CTNNA3: variants seen among roughly 807,000 people sequenced by gnomAD.
CTNNA3 encodes catenin alpha 3, also known as catenin alpha-3.
Under a neutral mutation model 95.7 loss-of-function variants are expected in CTNNA3, and 76 were observed. That is an observed-to-expected ratio of 0.79 (90% CI 0.66 to 0.96). The LOEUF (loss-of-function observed/expected upper bound fraction) is 0.96. CTNNA3 is among the 40% of genes least tolerant of loss of function. The pLI, the probability that CTNNA3 is intolerant of heterozygous loss-of-function variation, is 0.00. For synonymous variants in CTNNA3, 431 were observed against 374.4 expected (o/e 1.15, Z -1.74); for missense variants, 1,191 against 1,089.8 (o/e 1.09, Z -1.31).
At chr10:66,404,834 C>T (rs2093045255) in intron 11 of CTNNA3, among the ~76,000 whole-genome samples, 1 of 151,472 alleles carries the variant, frequency 6.6e-6, no homozygotes, top group African/African-American at 2.4e-5. Context: ...TATGTGTGGC[C>T]CAACACTTCT....
intron 3 of CTNNA3, among the ~76,000 whole-genome samples, chr10:67,551,275 G>C (rs923969175): frequency 6.6e-6 from 1 of 152,140 alleles, no homozygotes; most frequent in South Asian, 2.1e-4. Context: ...GTGGCTGGAC[G>C]TGAAGAGGAC....
At chr10:66,923,980 C>T (rs190567382) in intron 7 of CTNNA3, among the ~76,000 whole-genome samples, 74 of 152,342 alleles carry the variant, frequency 4.9e-4, no homozygotes, top group Admixed American at 2.7e-3. Context: ...GTGGAACTTA[C>T]ATCTCAGTAT....
intron 15 of CTNNA3, among the ~76,000 whole-genome samples, chr10:66,043,100 A>G (rs1589284835): frequency 1.4e-5 from 2 of 145,848 alleles, no homozygotes; most frequent in East Asian, 4.1e-4. Flanking sequence ...ATCTCCATGG[A>G]AAGCAGTAAA....
intron 14 of CTNNA3, among the ~76,000 whole-genome samples, chr10:66,080,768 C>T (rs1824674): frequency 0.29 from 43,336 of 151,938 alleles, 6,894 homozygotes; most frequent in South Asian, 0.43. Flanking sequence ...TAGAAAAGTA[C>T]TGGAGGACAT....
At chr10:67,092,832 T>C (rs958196262) in intron 7 of CTNNA3, among the ~76,000 whole-genome samples, 4 of 152,006 alleles carry the variant, frequency 2.6e-5, no homozygotes, top group African/African-American at 7.2e-5. Context: ...AGGGCAAATA[T>C]CATTGATGTC....
chr10:66,978,552 A>AAAAAATAT, intron 7 of CTNNA3, among the ~76,000 whole-genome samples: 2 of 37,866 alleles, frequency 5.3e-5, no homozygotes, highest in African/African-American at 1.7e-4. Flanking sequence ...AAAAAAAAAA[A>AAAAAATAT]ATATATATAT....
chr10:67,522,646 A>G (rs896356382), intron 4 of CTNNA3, among the ~76,000 whole-genome samples: 1 of 151,672 alleles, frequency 6.6e-6, no homozygotes, highest in Non-Finnish European at 1.5e-5. Context: ...GTTCTGCTGA[A>G]TCAGAATGCT....
chr10:66,957,297 A>C (rs1848841281), intron 7 of CTNNA3, among the ~76,000 whole-genome samples: 1 of 151,386 alleles, frequency 6.6e-6, no homozygotes, highest in Non-Finnish European at 1.5e-5. Context: ...TCATTTATTA[A>C]ATTGAAAGAA....
At chr10:66,895,914 C>CAAAAAAAAAA (rs869248195) in intron 7 of CTNNA3, among the ~76,000 whole-genome samples, 2 of 80,198 alleles carry the variant, frequency 2.5e-5, no homozygotes, top group African/African-American at 5.3e-5. Context: ...CCTGTCTCTA[C>CAAAAAAAAAA]AAAAAAAAAA....
At chr10:66,343,065 T>A (rs1019009149) in intron 12 of CTNNA3, among the ~76,000 whole-genome samples, 2 of 151,982 alleles carry the variant, frequency 1.3e-5, no homozygotes, top group Non-Finnish European at 2.9e-5. Context: ...GAGTTTAAAG[T>A]CTCTGGCACA....
At chr10:67,325,400 T>C (rs1488264263) in intron 5 of CTNNA3, among the ~76,000 whole-genome samples, 3 of 152,182 alleles carry the variant, frequency 2.0e-5, no homozygotes, top group African/African-American at 7.2e-5. Context: ...TAACACTGCC[T>C]TAGCTGTGTC....
intron 7 of CTNNA3, among the ~76,000 whole-genome samples, chr10:66,775,741 C>A (rs1011048864): frequency 2.6e-5 from 4 of 152,036 alleles, no homozygotes; most frequent in African/African-American, 9.7e-5. Context: ...GTAATATTTC[C>A]GATACGGAGT....
rs371031904 is a variant in CTNNA3 at position 66,092,624 on chromosome 10, T to C, written c.1977+10533A>G. 1.2e-4 allele frequency among the ~76,000 whole-genome samples: 18 copies of C among 152,118 alleles called. No homozygotes were observed. In the East Asian group the frequency reaches 1.5e-3, roughly 13 times the overall value. ...TTCACTAAGTAGCAAGTAAGTCACA[T>C]ATATCACAATATACCACTTAAATTC... is the stretch of plus-strand genomic sequence containing the variant. On this transcript the variant is annotated intron_variant, in intron 14 of 17. Transcript: ENST00000433211.
At chr10:66,193,653 C>T (rs576295107) in intron 13 of CTNNA3, among the ~76,000 whole-genome samples, 102 of 152,236 alleles carry the variant, frequency 6.7e-4, no homozygotes, top group African/African-American at 2.4e-3. Context: ...CTTATAGAGG[C>T]TTCCCAAAAT....
intron 13 of CTNNA3, among the ~76,000 whole-genome samples, chr10:66,191,842 G>C (rs536917121): frequency 2.3e-4 from 35 of 152,178 alleles, no homozygotes; most frequent in Non-Finnish European, 2.5e-4. Context: ...CAATGCAACA[G>C]TGTTGAGAGG....
intron 5 of CTNNA3, among the ~76,000 whole-genome samples, chr10:67,487,166 C>T (rs1275571730): frequency 6.6e-6 from 1 of 152,180 alleles, no homozygotes; most frequent in African/African-American, 2.4e-5. Flanking sequence ...GAAGAAATAG[C>T]AACACCAAAA....
intron 7 of CTNNA3, among the ~76,000 whole-genome samples, chr10:66,942,612 G>T (rs1460035957): frequency 6.6e-6 from 1 of 151,670 alleles, no homozygotes; most frequent in Non-Finnish European, 1.5e-5. Context: ...GTCTGCGTGT[G>T]TGTGCATGTG....
intron 7 of CTNNA3, among the ~76,000 whole-genome samples, chr10:67,060,241 C>T (rs1390249407): frequency 1.3e-5 from 2 of 152,064 alleles, no homozygotes; most frequent in African/African-American, 4.8e-5. Flanking sequence ...TTAATTGGGC[C>T]TGGGAGGTAG....
intron 1 of CTNNA3, among the ~76,000 whole-genome samples, chr10:67,689,713 T>A (rs9971176): frequency 0.24 from 35,768 of 151,806 alleles, 5,031 homozygotes; most frequent in East Asian, 0.51. Context: ...GAAGTACCAT[T>A]AAAGTGGAAG....
Sources: allele counts gnomAD v4.1 joint callset (sites outside exome capture counted in the v4.1 genomes callset), GRCh38; gene constraint gnomAD v4.1.1; transcripts MANE v1.5; gene names NCBI Gene and HGNC (gene_info 2026-07-23, HGNC 2026-07-21).